Variants in AGBL4 observed in about 807,000 individuals in gnomAD.
AGBL4 encodes the protein AGBL carboxypeptidase 4.
In AGBL4, 58 loss-of-function variants were observed where a neutral mutation model predicts 66.4. The ratio of observed to expected loss-of-function variants is 0.87; its 90% CI spans 0.71 to 1.09. The LOEUF is 1.09. Ranked by LOEUF, AGBL4 falls within the 50% of genes least tolerant of loss-of-function variation. The probability of loss-of-function intolerance (pLI) is 0.00; values close to 1 mark genes in which losing one functional copy is unlikely to be tolerated. For missense variants in AGBL4, 579 were observed against 631.0 expected, an observed-to-expected ratio of 0.92 and a Z score of 0.88; for synonymous variants, 234 against 222.9, an observed-to-expected ratio of 1.05 and a Z score of -0.44.
intron 2 of AGBL4, among the ~76,000 whole-genome samples, chr1:49,771,829 A>G (rs1053813736): frequency 2.6e-5 from 4 of 151,316 alleles, no homozygotes; most frequent in African/African-American, 9.7e-5. Flanking sequence ...TTTGGTTTCT[A>G]TTTTTCCATC....
At chr1:48,854,110 C>T (rs1299100789) in intron 6 of AGBL4, among the ~76,000 whole-genome samples, 1 of 152,140 alleles carries the variant, frequency 6.6e-6, no homozygotes, top group Non-Finnish European at 1.5e-5. Flanking sequence ...GAAATAGGTG[C>T]CACCATTCAT....
At chr1:48,756,577 C>T (rs1158369316) in intron 6 of AGBL4, among the ~76,000 whole-genome samples, 4 of 152,324 alleles carry the variant, frequency 2.6e-5, no homozygotes, top group East Asian at 3.9e-4. Flanking sequence ...AGGACATGAG[C>T]TTCCCAAAGC....
chr1:49,503,381 A>G (rs1318791220), intron 3 of AGBL4, among the ~76,000 whole-genome samples: 1 of 152,200 alleles, frequency 6.6e-6, no homozygotes, highest in Non-Finnish European at 1.5e-5. Flanking sequence ...AGGGCAGTGC[A>G]GAAGGGAAAT....
chr1:49,233,205 C>T (rs1258677767), intron 4 of AGBL4, among the ~76,000 whole-genome samples: 1 of 152,134 alleles, frequency 6.6e-6, no homozygotes, highest in Non-Finnish European at 1.5e-5. Flanking sequence ...AAAACATGGC[C>T]TTTGGAAATC....
At chr1:49,486,108 T>A (rs1356468917) in intron 3 of AGBL4, among the ~76,000 whole-genome samples, 1 of 151,922 alleles carries the variant, frequency 6.6e-6, no homozygotes, top group Non-Finnish European at 1.5e-5. Context: ...GAGTCCCACC[T>A]CTTCTCACAC....
chr1:49,189,557 G>T (rs1466834676), intron 4 of AGBL4, among the ~76,000 whole-genome samples: 1 of 152,272 alleles, frequency 6.6e-6, no homozygotes. Flanking sequence ...TTATAAGTGA[G>T]AAAGCTGAGG....
At chr1:48,960,199 A>G (rs898437503) in intron 5 of AGBL4, among the ~76,000 whole-genome samples, 5 of 152,138 alleles carry the variant, frequency 3.3e-5, no homozygotes, top group African/African-American at 9.7e-5. Context: ...TGATCATAGA[A>G]CCAATAAGAT....
intron 3 of AGBL4, among the ~76,000 whole-genome samples, chr1:49,559,022 G>A (rs949362179): frequency 6.6e-5 from 10 of 152,148 alleles, no homozygotes; most frequent in Non-Finnish European, 1.5e-4. Context: ...TCGCCATCCT[G>A]AAGGGAAGAA....
intron 3 of AGBL4, among the ~76,000 whole-genome samples, chr1:49,391,067 C>T (rs964215102): frequency 2.6e-5 from 4 of 152,052 alleles, no homozygotes; most frequent in Admixed American, 1.3e-4. Flanking sequence ...GAAGAAGGGA[C>T]GGCATTCCTT....
intron 11 of AGBL4, among the ~76,000 whole-genome samples, chr1:48,582,006 T>A (rs981828609): frequency 6.6e-6 from 1 of 152,204 alleles, no homozygotes; most frequent in African/African-American, 2.4e-5. Context: ...TGTTGAAAGC[T>A]ATGGGCCTTC....
chr1:49,251,456 G>C (rs1652053935), intron 3 of AGBL4, among the ~76,000 whole-genome samples: 1 of 152,060 alleles, frequency 6.6e-6, no homozygotes, highest in Non-Finnish European at 1.5e-5. Flanking sequence ...CAGTAACACT[G>C]CTCAGAGCAC....
chr1:49,169,586 G>A (rs1379907589), intron 4 of AGBL4, among the ~76,000 whole-genome samples: 6 of 152,068 alleles, frequency 3.9e-5, no homozygotes, highest in South Asian at 2.1e-4. Context: ...CACCTCTATC[G>A]AGTTCTGAAA....
chr1:49,889,887 T>C (rs1648463018), intron 1 of AGBL4, among the ~76,000 whole-genome samples: 1 of 152,220 alleles, frequency 6.6e-6, no homozygotes, highest in Non-Finnish European at 1.5e-5. Context: ...TATAAAACCT[T>C]GAATGAATGG....
intron 2 of AGBL4, among the ~76,000 whole-genome samples, chr1:49,700,294 A>G (rs1343820778): frequency 7.8e-6 from 1 of 128,816 alleles, no homozygotes; most frequent in Non-Finnish European, 1.6e-5. Flanking sequence ...ATATAAAAAC[A>G]TTAAATAGAT....
intron 6 of AGBL4, among the ~76,000 whole-genome samples, chr1:48,772,776 C>T (rs1159976007): frequency 6.6e-6 from 1 of 152,164 alleles, no homozygotes; most frequent in East Asian, 1.9e-4. Context: ...TAGATAAGAG[C>T]TGATGCTGAC....
chr1:49,496,478 C>T (rs535916713), intron 3 of AGBL4, among the ~76,000 whole-genome samples: 5 of 151,820 alleles, frequency 3.3e-5, no homozygotes, highest in African/African-American at 1.2e-4. Flanking sequence ...TGAATTTATT[C>T]CTCCTAACCG....
intron 3 of AGBL4, among the ~76,000 whole-genome samples, chr1:49,254,499 T>C (rs1652317657): frequency 6.6e-6 from 1 of 152,042 alleles, no homozygotes; most frequent in African/African-American, 2.4e-5. Context: ...AAAACACTGC[T>C]CAAAGAAATA....
In AGBL4 at chr1:49,024,721, G is replaced by T. The variant is rs72895656; in HGVS notation, c.594+20863C>A. ...ATGACAAATTGTATGCCTTCGGGGA[G>T]CTTGGAGTCTAAGGGAGATATGGTA... On this transcript the variant is annotated intron_variant, in intron 5 of 13. Transcript: ENST00000371839. Among the ~76,000 whole-genome samples, 1,350 of 152,232 alleles carry T rather than the reference G, an allele frequency of 8.9e-3. 22 individuals are homozygous for T. The highest frequency in any genetic ancestry group is 0.025 in the African/African-American group (1,041 of 41,546).
rs931562367 is a variant in AGBL4, at chr1:49,111,114, T to A, written c.378-65314A>T. Among the ~76,000 whole-genome samples, 4 of 1,978 alleles carry A rather than the reference T, an allele frequency of 2.0e-3. No individual in the cohort carries two copies. The African/African-American group carries it at 0.038, about 19-fold the overall frequency. 1.3% of individuals were successfully genotyped at this position (1,978 alleles called of 152,430 possible). A position where few individuals can be genotyped will look rare whatever the true frequency, so the allele number is the denominator to read the frequency against. ...ACATGTTTCCTTTCAATTCGTTGAA[T>A]TTTTTTTTTTTTTTTTTGAGATGGA... On this transcript the variant is annotated intron_variant, in intron 4 of 13. Coordinates refer to ENST00000371839, the MANE Select transcript of AGBL4 (RefSeq NM_032785.4).
Sources: allele counts gnomAD v4.1 joint callset (sites outside exome capture counted in the v4.1 genomes callset), GRCh38; gene constraint gnomAD v4.1.1; transcripts MANE v1.5; gene names NCBI Gene and HGNC (gene_info 2026-07-23, HGNC 2026-07-21).